NDUFB9: variants seen among roughly 807,000 people sequenced by gnomAD.
NDUFB9 encodes NADH:ubiquinone oxidoreductase subunit B9, also known as NADH dehydrogenase [ubiquinone] 1 beta subcomplex subunit 9.
NDUFB9 carries 24 observed loss-of-function variants against 30.2 expected under a neutral mutation model. The ratio of observed to expected loss-of-function variants is 0.80; its 90% CI spans 0.58 to 1.12. NDUFB9 has a LOEUF of 1.12. Ranked by LOEUF, NDUFB9 falls within the 50% of genes most tolerant of loss-of-function variation. NDUFB9 has a pLI of 0.00. For missense variants in NDUFB9, 204 were observed against 226.0 expected (o/e 0.90, Z 0.62); for synonymous variants, 80 against 84.0 (o/e 0.95, Z 0.26).
chr8:124,546,860 C>G, intron 2 of NDUFB9, 140 bp from the exon 3 acceptor site: 1 of 753,314 alleles, frequency 1.3e-6, no homozygotes, highest in Non-Finnish European at 2.4e-6. Flanking sequence ...CTGTTCCTTG[C>G]TTAGAGTTAG....
At chr8:124,542,279 A>G (rs990952703) in intron 1 of NDUFB9, among the ~76,000 whole-genome samples, 2 of 151,558 alleles carry the variant, frequency 1.3e-5, no homozygotes, top group African/African-American at 4.9e-5. Flanking sequence ...CTTGAACTCC[A>G]GACCTCAGGT....
Position 124,539,164 on chromosome 8 carries a change from G to C in NDUFB9, c.-23G>C. On this transcript the variant is annotated 5_prime_UTR_variant, in exon 1 of 4. Coordinates refer to ENST00000276689, the MANE Select transcript of NDUFB9 (RefSeq NM_005005.3). ...CGTGCAGTTTCCCGGCTCTCCGCGC[G>C]GCCGGGGAAGGTCAGCGCCGTAATG... The C allele has an allele frequency of 6.2e-7, 1 of 1,613,452 alleles. No homozygotes were observed. The highest frequency in any genetic ancestry group is 8.5e-7 in the Non-Finnish European group (1 of 1,179,346).
At chr8:124,541,613 T>A (rs1821992047) in intron 1 of NDUFB9, among the ~76,000 whole-genome samples, 1 of 152,232 alleles carries the variant, frequency 6.6e-6, no homozygotes, top group South Asian at 2.1e-4. Context: ...TTTTGTTTGT[T>A]TTTTTGTTAG....
intron 1 of NDUFB9, among the ~76,000 whole-genome samples, chr8:124,542,036 C>T (rs1822015917): frequency 6.6e-6 from 1 of 151,780 alleles, no homozygotes; most frequent in Non-Finnish European, 1.5e-5. Context: ...CTGCCTTGGC[C>T]CCCAGAGTAG....
chr8:124,541,288 A>C (rs1012551754), intron 1 of NDUFB9, among the ~76,000 whole-genome samples: 2 of 152,198 alleles, frequency 1.3e-5, no homozygotes, highest in Admixed American at 6.5e-5. Context: ...TCTTTTCCCA[A>C]ATTCCCTGCC....
chr8:124,540,367 C>T (rs1821900943), intron 1 of NDUFB9, among the ~76,000 whole-genome samples: 1 of 152,074 alleles, frequency 6.6e-6, no homozygotes, highest in Admixed American at 6.5e-5. Context: ...CAGCAGCTCA[C>T]GGATTAGTGG....
At chr8:124,539,997 T>G (rs72714703) in intron 1 of NDUFB9, among the ~76,000 whole-genome samples, 13,183 of 151,770 alleles carry the variant, frequency 0.087, 875 homozygotes, top group South Asian at 0.29. Context: ...CCTAAATTCA[T>G]TGCAGGGTGG....
At chr8:124,541,569 T>C (rs531105894) in intron 1 of NDUFB9, among the ~76,000 whole-genome samples, 49 of 152,228 alleles carry the variant, frequency 3.2e-4, no homozygotes, top group Non-Finnish European at 4.7e-4. Flanking sequence ...TGCCACTGTT[T>C]TACAGAGGAG....
rs1822178924 is a variant in NDUFB9 at position 124,547,030 on chromosome 8, CCTT to C, written c.328_330del (p.Ser110del). On this transcript the variant is annotated inframe_deletion, in exon 3 of 4. Coordinates refer to ENST00000276689, the MANE Select transcript of NDUFB9 (RefSeq NM_005005.3). ...AGAATGGTGCTTAGATGACTGGCAT[CCTT>C]CTGAGAAGGCAATGTATCCTGATTA... The C allele has an allele frequency of 6.2e-7, 1 of 1,612,486 alleles. No homozygotes were observed.
At chr8:124,540,870 TG>T (rs1821945374) in intron 1 of NDUFB9, among the ~76,000 whole-genome samples, 1 of 152,186 alleles carries the variant, frequency 6.6e-6, no homozygotes, top group Non-Finnish European at 1.5e-5. Flanking sequence ...TCGAATTGCT[TG>T]TTAGATCACG....
At position 124,543,278 on chromosome 8, in the gene NDUFB9, A is replaced by G. The variant is rs1822070549; in HGVS notation, c.293A>G (p.Lys98Arg). The G allele has an allele frequency of 2.5e-6, 4 of 1,612,748 alleles. No individual in the cohort carries two copies. The highest frequency in any genetic ancestry group is 3.4e-6 in the Non-Finnish European group (4 of 1,178,858). Residue 98 changes from lysine (K) to arginine (R), a missense_variant and splice_region_variant, in exon 2 of 4, where the codon AAG becomes AGG. Physicochemically the swap from Lys to Arg is conservative, Grantham distance 26. Transcript: ENST00000276689. ...TCCTATGAGAGATACGATTGCTACA[A>G]GGTAGGTGAGAATTATGATGACTGC... is the stretch of plus-strand genomic sequence containing the variant. ...GTSYERYDCY[K>R]VPEWCLDDWH...
chr8:124,543,026 C>T, intron 1 of NDUFB9, 61 bp from the exon 2 acceptor site: 1 of 1,563,684 alleles, frequency 6.4e-7, no homozygotes, highest in South Asian at 1.1e-5. Context: ...TCCTGTCAGA[C>T]AGCAACACTG....
intron 2 of NDUFB9, among the ~76,000 whole-genome samples, chr8:124,545,739 AG>A (rs1261678822): frequency 6.6e-6 from 1 of 152,208 alleles, no homozygotes; most frequent in Non-Finnish European, 1.5e-5. Flanking sequence ...TATGTTGTCC[AG>A]GCTGGTCTGG....
intron 1 of NDUFB9, among the ~76,000 whole-genome samples, chr8:124,541,071 C>T (rs1821963833): frequency 6.6e-6 from 1 of 152,104 alleles, no homozygotes; most frequent in Non-Finnish European, 1.5e-5. Context: ...GAGGCTGAGG[C>T]AGAAGAACCG....
rs148083715 is a variant in NDUFB9 at position 124,539,214 on chromosome 8, C to T, written c.28C>T (p.Leu10=). The change falls in exon 1 of 4, where the codon CTG becomes TTG. Residue 10 remains leucine (L), a synonymous_variant. Transcript: ENST00000276689. MAFLASGPY[L]THQQKVLRLY... Reference sequence around the variant, plus strand: ...GGCGTTCTTGGCGTCGGGACCCTACCTGACCCATCAGCAAAAGGTGTTGCG... The same window carrying T: ...GGCGTTCTTGGCGTCGGGACCCTACTTGACCCATCAGCAAAAGGTGTTGCG... 25 of 1,614,110 alleles carry T rather than the reference C, an allele frequency of 1.5e-5. No homozygotes were observed. The highest frequency in any genetic ancestry group is 2.5e-6 in the Non-Finnish European group (3 of 1,180,042).
At chr8:124,541,100 A>C (rs1050327256) in intron 1 of NDUFB9, among the ~76,000 whole-genome samples, 1 of 152,168 alleles carries the variant, frequency 6.6e-6, no homozygotes, top group Non-Finnish European at 1.5e-5. Context: ...TGGGAGGCAG[A>C]GGCTGCAGTG....
chr8:124,540,865 T>C (rs888914291), intron 1 of NDUFB9, among the ~76,000 whole-genome samples: 2 of 152,184 alleles, frequency 1.3e-5, no homozygotes, highest in Admixed American at 6.5e-5. Flanking sequence ...GTAGTTCGAA[T>C]TGCTTGTTAG....
At chr8:124,540,907 C>T (rs556974007) in intron 1 of NDUFB9, among the ~76,000 whole-genome samples, 10 of 152,308 alleles carry the variant, frequency 6.6e-5, no homozygotes, top group African/African-American at 1.9e-4. Context: ...TGATGGCTCA[C>T]GCCTATAATC....
At chr8:124,540,723 T>C (rs1821930878) in intron 1 of NDUFB9, among the ~76,000 whole-genome samples, 1 of 152,208 alleles carries the variant, frequency 6.6e-6, no homozygotes. Flanking sequence ...AATCCTTGCC[T>C]TAATTTCTTC....
Sources: gnomAD v4.1 joint callset for allele counts (sites outside exome capture counted in the v4.1 genomes callset) on GRCh38, gnomAD v4.1.1 for gene constraint, MANE v1.5 for transcripts, NCBI Gene and HGNC (gene_info 2026-07-23, HGNC 2026-07-21) for gene names.